Variants in LSAMP observed in about 807,000 individuals in gnomAD.
LSAMP encodes limbic system-associated membrane protein.
In LSAMP, 7 loss-of-function variants were observed where a neutral mutation model predicts 38.6. The ratio of observed to expected loss-of-function variants is 0.18; its 90% CI spans 0.10 to 0.34. The LOEUF (loss-of-function observed/expected upper bound fraction) is 0.34. Ranked by LOEUF, LSAMP falls within the 10% of genes least tolerant of loss-of-function variation. The probability of loss-of-function intolerance (pLI) is 1.00; values close to 1 mark genes in which losing one functional copy is unlikely to be tolerated. For missense variants in LSAMP, 313 were observed against 420.0 expected, an observed-to-expected ratio of 0.75 and a Z score of 2.23; for synonymous variants, 154 against 166.8, an observed-to-expected ratio of 0.92 and a Z score of 0.59.
At chr3:116,323,712 C>T (rs74746971) in intron 1 of LSAMP, among the ~76,000 whole-genome samples, 3,904 of 152,208 alleles carry the variant, frequency 0.026, 162 homozygotes, top group African/African-American at 0.086. Context: ...TCTGCTGGCT[C>T]TTCCAACTAG....
At chr3:116,087,342 A>G (rs1009854684) in intron 1 of LSAMP, among the ~76,000 whole-genome samples, 3 of 152,206 alleles carry the variant, frequency 2.0e-5, no homozygotes, top group Non-Finnish European at 4.4e-5. Flanking sequence ...GCTTTAAAAA[A>G]CTTAAAAGGG....
chr3:116,427,281 C>T (rs2049212503), intron 1 of LSAMP, among the ~76,000 whole-genome samples: 3 of 151,410 alleles, frequency 2.0e-5, no homozygotes, highest in Admixed American at 1.3e-4. Flanking sequence ...CCACCGCGCC[C>T]GGCTAATTTT....
At chr3:115,817,130 C>T (rs1451340239) in intron 6 of LSAMP, among the ~76,000 whole-genome samples, 5 of 152,190 alleles carry the variant, frequency 3.3e-5, no homozygotes, top group Non-Finnish European at 5.9e-5. Context: ...TATTCTTCCC[C>T]TAGATCTTTG....
chr3:116,304,229 G>C (rs2047452521), intron 1 of LSAMP, among the ~76,000 whole-genome samples: 1 of 152,190 alleles, frequency 6.6e-6, no homozygotes, highest in Admixed American at 6.6e-5. Flanking sequence ...GCATGAAAAA[G>C]ATTTAATCCA....
chr3:116,167,750 C>T (rs62269188), intron 1 of LSAMP, among the ~76,000 whole-genome samples: 36,947 of 152,120 alleles, frequency 0.24, 4,534 homozygotes, highest in Admixed American at 0.27. Flanking sequence ...CACCTCTCAG[C>T]CCACACCCCT....
chr3:115,851,947 T>C (rs1354516529), intron 4 of LSAMP, among the ~76,000 whole-genome samples: 1 of 152,332 alleles, frequency 6.6e-6, no homozygotes, highest in East Asian at 1.9e-4. Flanking sequence ...GCCCATACTT[T>C]GGGACAAATA....
At chr3:116,072,049 C>T (rs999612843) in intron 2 of LSAMP, among the ~76,000 whole-genome samples, 1 of 146,890 alleles carries the variant, frequency 6.8e-6, no homozygotes, top group Non-Finnish European at 1.5e-5. Flanking sequence ...GATCTCGGCT[C>T]ACTGCAAGCT....
intron 3 of LSAMP, among the ~76,000 whole-genome samples, chr3:115,915,152 C>T (rs1937223888): frequency 6.6e-6 from 1 of 152,188 alleles, no homozygotes; most frequent in African/African-American, 2.4e-5. Flanking sequence ...TTTGCTGCAC[C>T]TTTCCATTCC....
intron 1 of LSAMP, among the ~76,000 whole-genome samples, chr3:116,275,400 T>C (rs1031004851): frequency 6.6e-6 from 1 of 152,148 alleles, no homozygotes; most frequent in South Asian, 2.1e-4. Context: ...TAAAATAATG[T>C]CTAAAAAAAT....
intron 1 of LSAMP, among the ~76,000 whole-genome samples, chr3:116,105,154 A>G (rs927744184): frequency 1.3e-5 from 2 of 149,362 alleles, no homozygotes; most frequent in African/African-American, 5.1e-5. Flanking sequence ...TACAGAAGAG[A>G]TATTTTTCAG....
intron 1 of LSAMP, among the ~76,000 whole-genome samples, chr3:116,154,132 G>T (rs1319509448): frequency 2.0e-5 from 3 of 151,998 alleles, no homozygotes; most frequent in African/African-American, 7.2e-5. Context: ...CTGCTGTTTT[G>T]TTATATATTT....
At chr3:116,357,929 AAG>A (rs2107774397) in intron 1 of LSAMP, among the ~76,000 whole-genome samples, 1 of 152,066 alleles carries the variant, frequency 6.6e-6, no homozygotes, top group East Asian at 1.9e-4. Flanking sequence ...AAAAAAAAAA[AAG>A]AGGTTGAACA....
intron 3 of LSAMP, among the ~76,000 whole-genome samples, chr3:115,985,860 A>G (rs1939496047): frequency 6.6e-6 from 1 of 152,134 alleles, no homozygotes; most frequent in Non-Finnish European, 1.5e-5. Context: ...TTGCAATCTC[A>G]TGAGACTCTG....
At chr3:115,830,980 C>T (rs370592806) in intron 6 of LSAMP, among the ~76,000 whole-genome samples, 82 of 152,280 alleles carry the variant, frequency 5.4e-4, no homozygotes, top group Non-Finnish European at 1.0e-3. Flanking sequence ...CTGCAAGCCT[C>T]GCTTGTTTGT....
At chr3:116,284,431 G>A (rs2047167484) in intron 1 of LSAMP, among the ~76,000 whole-genome samples, 1 of 152,072 alleles carries the variant, frequency 6.6e-6, no homozygotes, top group African/African-American at 2.4e-5. Context: ...GGCTTCAAAA[G>A]GACCTTGGAA....
intron 1 of LSAMP, among the ~76,000 whole-genome samples, chr3:116,390,255 C>T (rs950552514): frequency 6.6e-6 from 1 of 151,898 alleles, no homozygotes; most frequent in Non-Finnish European, 1.5e-5. Flanking sequence ...AATAAAGACA[C>T]CATAACCAAG....
At chr3:116,437,265 G>T (rs377302772) in intron 1 of LSAMP, among the ~76,000 whole-genome samples, 55 of 152,034 alleles carry the variant, frequency 3.6e-4, no homozygotes, top group South Asian at 3.1e-3. Context: ...TTGGGGGAAG[G>T]GGGGCGAGGA....
chr3:116,309,581 A>G (rs2047529161), intron 1 of LSAMP, among the ~76,000 whole-genome samples: 1 of 152,156 alleles, frequency 6.6e-6, no homozygotes, highest in Non-Finnish European at 1.5e-5. Flanking sequence ...CAGCTTTCAC[A>G]TGCAATCTAA....
At chr3:116,064,471 C>T (rs533605211) in intron 2 of LSAMP, among the ~76,000 whole-genome samples, 20 of 143,898 alleles carry the variant, frequency 1.4e-4, no homozygotes, top group Middle Eastern at 3.7e-3. Context: ...GCCAAGATCG[C>T]ACCACTGCAT....
Sources: gnomAD v4.1 joint callset for allele counts (sites outside exome capture counted in the v4.1 genomes callset) on GRCh38, gnomAD v4.1.1 for gene constraint, MANE v1.5 for transcripts, NCBI Gene and HGNC (gene_info 2026-07-23, HGNC 2026-07-21) for gene names.